Variants in RASSF4 observed in about 807,000 individuals in gnomAD.
The protein encoded by RASSF4 is ras association domain-containing protein 4.
Under a neutral mutation model 41.1 loss-of-function variants are expected in RASSF4, and 38 were observed. The observed-to-expected ratio is 0.92, with a 90% CI of 0.71 to 1.21. The LOEUF (loss-of-function observed/expected upper bound fraction) is 1.21. Among genes scored for constraint, RASSF4 ranks in the 50% most tolerant of loss-of-function variants. The pLI is 0.00. For synonymous variants in RASSF4, 179 were observed against 163.4 expected (o/e 1.10, Z -0.73); for missense variants, 414 against 419.4 (o/e 0.99, Z 0.11).
At chr10:44,977,457 G>A (rs1388786339) in intron 3 of RASSF4, 12 of 1,611,728 alleles carry the variant, frequency 7.4e-6, no homozygotes, top group African/African-American at 4.0e-5. Context: ...GGGCGGGGGC[G>A]GTGGCGGGAG....
rs143897108 is a variant in RASSF4 at position 44,971,840 on chromosome 10, C to T, written c.130C>T (p.His44Tyr). ...YHEGKSFQLR[H>Y]REEEGTLIIE... Reference sequence around the variant, plus strand: ...TGAGGGCAAGAGCTTCCAGCTGAGACACCGTGAGGTGAGCCTGTTGCTCTT... The same window carrying T: ...TGAGGGCAAGAGCTTCCAGCTGAGATACCGTGAGGTGAGCCTGTTGCTCTT... The change falls in exon 3 of 11, where the codon CAC (histidine) becomes TAC (tyrosine). Residue 44 changes from histidine to tyrosine, a missense_variant. His to Tyr is a moderately conservative substitution (Grantham distance 83). Transcript: ENST00000340258. 1 of 1,609,832 alleles carries T rather than the reference C, an allele frequency of 6.2e-7. No individual in the cohort carries two copies. Among genetic ancestry groups the T allele is most frequent in the African/African-American group, 1.3e-5 (1 of 74,818 alleles).
At chr10:44,977,668 G>A (rs776419897) in intron 3 of RASSF4, 1 of 1,613,006 alleles carries the variant, frequency 6.2e-7, no homozygotes, top group Non-Finnish European at 8.5e-7. Context: ...TCCTTGGCAG[G>A]TCCCTCTGGC....
chr10:44,993,824 C>G lies in RASSF4; in HGVS notation c.*495C>G, dbSNP rs1842207530. On this transcript the variant is annotated 3_prime_UTR_variant, in exon 11 of 11. Transcript: ENST00000340258. ...AGCCTGCTTTCAGCCATCACCTTGC[C>G]ACAGTGTCCCCGGCTTCTAAGCCTC... 1 of 158,116 alleles carries G rather than the reference C, an allele frequency of 6.3e-6. No homozygotes were observed. The highest frequency in any genetic ancestry group is 1.9e-4 in the South Asian group (1 of 5,182). The allele number at this position is 158,116 out of a possible 1,614,324, so 9.8% of individuals were successfully genotyped here. A position where few individuals can be genotyped will look rare whatever the true frequency, so the allele number is the denominator to read the frequency against.
chr10:44,978,053 A>C (rs776557148), intron 3 of RASSF4: 74 of 1,591,652 alleles, frequency 4.6e-5, no homozygotes, highest in Non-Finnish European at 6.2e-5. Context: ...AGGAGGTGGC[A>C]ACCTGTTGGG....
chr10:44,965,111 A>T (rs1447288285), intron 1 of RASSF4, among the ~76,000 whole-genome samples: 1 of 152,242 alleles, frequency 6.6e-6, no homozygotes, highest in African/African-American at 2.4e-5. Flanking sequence ...GAAAAGTCAT[A>T]CACATGTACT....
At chr10:44,971,471 C>T in intron 2 of RASSF4, 1 of 580,494 alleles carries the variant, frequency 1.7e-6, no homozygotes, top group Non-Finnish European at 3.3e-6. Flanking sequence ...GGGAGGCTGC[C>T]AGGGCCTTAC....
Position 44,994,948 on chromosome 10 carries a change from G to C in RASSF4, c.*1619G>C, listed in dbSNP as rs1301818061. ...GAACACGCAGGCGTCACTGGTGGGA[G>C]CCTAGAGGTGACCTGGATGATGAGC... On this transcript the variant is annotated 3_prime_UTR_variant, in exon 11 of 11. Transcript: ENST00000340258. The C allele has an allele frequency of 6.6e-6, 1 of 152,180 alleles. No individual in the cohort carries two copies. Among genetic ancestry groups the C allele is most frequent in the Admixed American group, 6.5e-5 (1 of 15,282 alleles). The allele number at this position is 152,180 out of a possible 1,614,324, so 9.4% of individuals were successfully genotyped here.
chr10:44,978,629 G>T (rs1841559025), intron 3 of RASSF4: 1 of 152,418 alleles, frequency 6.6e-6, no homozygotes, highest in African/African-American at 2.4e-5. Context: ...TGGAGCTGAG[G>T]AGGTCTGGGG....
At chr10:44,984,434 G>T in intron 5 of RASSF4, 1 of 488,550 alleles carries the variant, frequency 2.0e-6, no homozygotes, top group South Asian at 3.0e-5. Flanking sequence ...ACCTCCCTCT[G>T]CGACCTCGTC....
At chr10:44,972,535 C>T (rs1564455038) in intron 3 of RASSF4, among the ~76,000 whole-genome samples, 1 of 152,236 alleles carries the variant, frequency 6.6e-6, no homozygotes, top group Admixed American at 6.5e-5. Context: ...GGGCTAAATA[C>T]ATGTCTGATG....
In RASSF4 at chr10:44,988,989, C is replaced by G. The variant is rs1024203060; in HGVS notation, c.532-285C>G. Among the ~76,000 whole-genome samples the G allele has an allele frequency of 2.0e-5, 3 of 152,212 alleles. No individual in the cohort carries two copies. The South Asian group carries it at 6.2e-4, about 31-fold the overall frequency. On this transcript the variant is annotated intron_variant, in intron 6 of 10. Transcript: ENST00000340258. ...AGAGTGATGGAGAGACTGATTCCCC[C>G]ACCCTTGTGAATGACTTCCATGGCC...
rs779493781 is a variant in RASSF4 at position 44,977,565 on chromosome 10, TG to T, written c.139-4954del. On this transcript the variant is annotated intron_variant, in intron 3 of 10. Coordinates refer to ENST00000340258, the MANE Select transcript of RASSF4 (RefSeq NM_032023.4). ...CTTGCCAGGGAATGCCCAGGCATCCTGGCTTCACAGAGCCTCCCTCTGGGGG... is the reference window on the plus strand; with the variant it reads ...CTTGCCAGGGAATGCCCAGGCATCCTGCTTCACAGAGCCTCCCTCTGGGGG... 5.6e-6 allele frequency: 9 copies of T among 1,613,518 alleles called. No homozygotes were observed. The South Asian group carries it at 9.9e-5, about 18-fold the overall frequency.
Position 44,993,372 on chromosome 10 carries a change from G to A in RASSF4, c.*43G>A, listed in dbSNP as rs1176739185. Reference sequence around the variant, plus strand: ...CTTCCAAAGTCCCCAGCAGTGGCAGGTGTACACTGAGCCCTGGTTGCTGGC... The same window carrying A: ...CTTCCAAAGTCCCCAGCAGTGGCAGATGTACACTGAGCCCTGGTTGCTGGC... On this transcript the variant is annotated 3_prime_UTR_variant, in exon 11 of 11. Coordinates refer to ENST00000340258, the MANE Select transcript of RASSF4 (RefSeq NM_032023.4). The A allele has an allele frequency of 6.6e-7, 1 of 1,517,104 alleles. No homozygotes were observed. Among genetic ancestry groups the A allele is most frequent in the Non-Finnish European group, 9.0e-7 (1 of 1,115,480 alleles). The allele number at this position is 1,517,104 out of a possible 1,614,324, so 94.0% of individuals were successfully genotyped here.
At chr10:44,971,583 C>A in intron 2 of RASSF4, 190 bp from the exon 3 acceptor site, 1 of 691,456 alleles carries the variant, frequency 1.4e-6, no homozygotes, top group Non-Finnish European at 2.7e-6. Flanking sequence ...TGCCCCCCAC[C>A]AGGGCCATGT....
In RASSF4 at chr10:44,984,946, C is replaced by CA; in HGVS notation, c.509dup (p.Asn170LysfsTer8). The CA allele has an allele frequency of 6.2e-7, 1 of 1,612,808 alleles. No homozygotes were observed. The highest frequency in any genetic ancestry group is 8.5e-7 in the Non-Finnish European group (1 of 1,180,014). On this transcript the variant is annotated frameshift_variant, in exon 6 of 11. Coordinates refer to ENST00000340258, the MANE Select transcript of RASSF4 (RefSeq NM_032023.4). LOFTEE classifies it high-confidence loss of function. Reference sequence around the variant, plus strand: ...GCATCCGGCGACACCGGTTCTCTATCAACGGCCACTTCTACAATCATAAGG... The same window carrying CA: ...GCATCCGGCGACACCGGTTCTCTATCAAACGGCCACTTCTACAATCATAAGG...
At chr10:44,979,611 GA>G (rs141553020) in intron 3 of RASSF4, among the ~76,000 whole-genome samples, 1 of 151,978 alleles carries the variant, frequency 6.6e-6, no homozygotes, top group Non-Finnish European at 1.5e-5. Flanking sequence ...GCAGAAACCT[GA>G]AAAAAATGGG....
intron 3 of RASSF4, among the ~76,000 whole-genome samples, chr10:44,975,312 G>A (rs955936884): frequency 2.0e-5 from 3 of 152,114 alleles, no homozygotes; most frequent in Admixed American, 6.5e-5. Context: ...CTGGCCCCTG[G>A]AGTGACTGGC....
chr10:44,989,252 C>T (rs376176873), intron 6 of RASSF4, 22 bp from the exon 7 acceptor site: 12 of 1,545,052 alleles, frequency 7.8e-6, no homozygotes, highest in African/African-American at 6.8e-5. Context: ...CTGACCTGAA[C>T]TTCTCTCCCT....
intron 1 of RASSF4, among the ~76,000 whole-genome samples, chr10:44,966,349 A>C (rs1840902483): frequency 6.6e-6 from 1 of 152,214 alleles, no homozygotes; most frequent in Non-Finnish European, 1.5e-5. Context: ...AATGTAAATC[A>C]TGCCGTGTCG....
Sources: allele counts gnomAD v4.1 joint callset (sites outside exome capture counted in the v4.1 genomes callset), GRCh38; gene constraint gnomAD v4.1.1; transcripts MANE v1.5; gene names NCBI Gene and HGNC (gene_info 2026-07-23, HGNC 2026-07-21).